Variants in CALN1 observed in about 807,000 individuals in gnomAD.
The protein encoded by CALN1 is calneuron 1.
CALN1 carries 17 observed loss-of-function variants against 30.6 expected under a neutral mutation model. That is an observed-to-expected ratio of 0.56 (90% confidence interval 0.38 to 0.83). The LOEUF (loss-of-function observed/expected upper bound fraction) is 0.83. CALN1 is among the 40% of genes least tolerant of loss of function. The pLI, the probability that CALN1 is intolerant of heterozygous loss-of-function variation, is 0.00. For missense variants in CALN1, 291 were observed against 354.9 expected (o/e 0.82, Z 1.45); for synonymous variants, 156 against 131.4 (o/e 1.19, Z -1.28).
intron 2 of CALN1, among the ~76,000 whole-genome samples, chr7:72,347,329 C>T (rs775859097): frequency 1.3e-5 from 2 of 151,626 alleles, no homozygotes; most frequent in South Asian, 2.1e-4. Flanking sequence ...CTCACTGCAG[C>T]GATCTCAGCT....
chr7:71,857,016 ATGTGTGTGTGTGTGTG>A lies in CALN1; in HGVS notation c.502-46540_502-46525del, dbSNP rs200594767. 4.1e-4 allele frequency among the ~76,000 whole-genome samples: 58 copies of A among 142,322 alleles called. 1 individual carries two copies. The highest frequency in any genetic ancestry group is 1.6e-3 in the East Asian group (8 of 4,952). 93.4% of individuals were successfully genotyped at this position (142,322 alleles called of 152,430 possible). A position where few individuals can be genotyped will look rare whatever the true frequency, so the allele number is the denominator to read the frequency against. ...AGACAACCTCATGGTGTGTATATGTATGTGTGTGTGTGTGTGTGTGTGTGTGTGTGTGTGTGTGTGT... is the reference window on the plus strand; with the variant it reads ...AGACAACCTCATGGTGTGTATATGTATGTGTGTGTGTGTGTGTGTGTGTGT... On this transcript the variant is annotated intron_variant, in intron 5 of 6. Coordinates refer to ENST00000395275, the MANE Select transcript of CALN1 (RefSeq NM_031468.4).
intron 5 of CALN1, among the ~76,000 whole-genome samples, chr7:71,925,241 G>GGA (rs140977661): frequency 3.4e-4 from 52 of 150,860 alleles, no homozygotes; most frequent in South Asian, 6.3e-4. Flanking sequence ...ACTCTGAGGG[G>GGA]GAGAGAGAGA....
At chr7:71,976,455 G>C (rs1404476758) in intron 5 of CALN1, among the ~76,000 whole-genome samples, 1 of 152,212 alleles carries the variant, frequency 6.6e-6, no homozygotes, top group African/African-American at 2.4e-5. Context: ...GGAGCAGCCT[G>C]TGTCCTGGAG....
rs1562730815 is a variant in CALN1 at position 72,203,977 on chromosome 7, C to CT, written c.244+74708dup. On this transcript the variant is annotated intron_variant, in intron 3 of 6. Coordinates refer to ENST00000395275, the MANE Select transcript of CALN1 (RefSeq NM_031468.4). ...CATAGCCTTCATATAAGAGGCCTCT[C>CT]TCTTTTTTTTTTTTTTTTTTTTTTT... Among the ~76,000 whole-genome samples the CT allele has an allele frequency of 1.1e-3, 100 of 92,264 alleles. 2 individuals carry two copies. The highest frequency in any genetic ancestry group is 6.0e-3 in the African/African-American group (98 of 16,356). The allele number at this position is 92,264 out of a possible 152,430, so 60.5% of individuals were successfully genotyped here.
At chr7:72,500,469 C>T in the CALN1 span, among the ~76,000 whole-genome samples, 1 of 150,524 alleles carries the variant, frequency 6.6e-6, no homozygotes, top group South Asian at 2.1e-4. Context: ...TTAGTAGAGA[C>T]AGGGTTTCAC....
intron 5 of CALN1, among the ~76,000 whole-genome samples, chr7:71,962,906 T>A (rs1797320659): frequency 6.6e-6 from 1 of 152,182 alleles, no homozygotes; most frequent in African/African-American, 2.4e-5. Context: ...CGGGATCTCA[T>A]CAATTCAACG....
chr7:71,804,924 T>C (rs1787517885), intron 6 of CALN1, among the ~76,000 whole-genome samples: 1 of 152,160 alleles, frequency 6.6e-6, no homozygotes, highest in Admixed American at 6.6e-5. Context: ...ACCATGCCAT[T>C]GCACTGGGCA....
chr7:72,023,044 AAAT>A (rs1398109913), intron 5 of CALN1, among the ~76,000 whole-genome samples: 11 of 152,286 alleles, frequency 7.2e-5, no homozygotes, highest in South Asian at 2.1e-4. Flanking sequence ...AAATTTTTTA[AAAT>A]AATGATTGAT....
At chr7:72,344,190 G>A (rs571056482) in intron 2 of CALN1, among the ~76,000 whole-genome samples, 58 of 152,144 alleles carry the variant, frequency 3.8e-4, no homozygotes, top group Non-Finnish European at 7.1e-4. Context: ...TGCTGTGAGC[G>A]TCTTCCCAGA....
At chr7:72,126,105 A>G (rs1481666340) in intron 3 of CALN1, among the ~76,000 whole-genome samples, 1 of 152,134 alleles carries the variant, frequency 6.6e-6, no homozygotes, top group African/African-American at 2.4e-5. Flanking sequence ...AGCTCACTGT[A>G]TCATTCTTAT....
intron 2 of CALN1, among the ~76,000 whole-genome samples, chr7:72,341,754 A>G (rs1178965236): frequency 8.5e-5 from 13 of 152,210 alleles, no homozygotes; most frequent in Admixed American, 8.5e-4. Flanking sequence ...TGTCTATTCC[A>G]TAAGGCTTTG....
chr7:72,008,734 C>A (rs980551929), intron 5 of CALN1, among the ~76,000 whole-genome samples: 2 of 150,804 alleles, frequency 1.3e-5, no homozygotes, highest in African/African-American at 4.9e-5. Context: ...CGGCTCACTG[C>A]AACCTCCGCC....
At chr7:72,394,945 A>C (rs1432498516) in intron 2 of CALN1, among the ~76,000 whole-genome samples, 1 of 152,178 alleles carries the variant, frequency 6.6e-6, no homozygotes, top group Non-Finnish European at 1.5e-5. Context: ...GGCATGAGCC[A>C]TCGTGCCCAG....
intron 1 of CALN1, among the ~76,000 whole-genome samples, chr7:72,436,967 G>A (rs1808179612): frequency 6.6e-6 from 1 of 152,044 alleles, no homozygotes; most frequent in African/African-American, 2.4e-5. Flanking sequence ...CTGCTTGGGA[G>A]GCTAAGCAGG....
intron 5 of CALN1, among the ~76,000 whole-genome samples, chr7:71,944,594 C>CAAAA (rs10677940): frequency 0.011 from 656 of 59,664 alleles, 6 homozygotes; most frequent in Middle Eastern, 0.038. Context: ...AACTCCATCC[C>CAAAA]AAAAAAAAAA....
In CALN1 at chr7:72,123,553, G is replaced by A. The variant is rs141511015; in HGVS notation, c.245-17259C>T. Among the ~76,000 whole-genome samples, 21 of 152,296 alleles carry A rather than the reference G, an allele frequency of 1.4e-4. No homozygotes were observed. The East Asian group carries it at 4.1e-3, about 29-fold the overall frequency. On this transcript the variant is annotated intron_variant, in intron 3 of 6. Transcript: ENST00000395275. ...TGGAATCGCTATCTGTAAAAAGTTA[G>A]CCAGAGAGAATGCGAGACAACTTGA...
intron 2 of CALN1, among the ~76,000 whole-genome samples, chr7:72,283,363 C>G (rs772020366): frequency 1.3e-5 from 2 of 151,930 alleles, no homozygotes; most frequent in African/African-American, 2.4e-5. Flanking sequence ...TGTCTCTTCA[C>G]ACAGACCAAA....
At chr7:72,420,717 G>A (rs140375467) in intron 1 of CALN1, among the ~76,000 whole-genome samples, 1,880 of 149,018 alleles carry the variant, frequency 0.013, 33 homozygotes, top group African/African-American at 0.044. Flanking sequence ...TCCGCCTCCC[G>A]GGTTCACGCC....
At chr7:72,092,625 TAAA>T (rs369445548) in intron 4 of CALN1, among the ~76,000 whole-genome samples, 26,432 of 105,520 alleles carry the variant, frequency 0.25, 3,237 homozygotes, top group Non-Finnish European at 0.32. Context: ...TGTATTCTAG[TAAA>T]AAAAAAAAAA....
Sources: allele counts gnomAD v4.1 joint callset (sites outside exome capture counted in the v4.1 genomes callset), GRCh38; gene constraint gnomAD v4.1.1; transcripts MANE v1.5; gene names NCBI Gene and HGNC (gene_info 2026-07-23, HGNC 2026-07-21).